The following KCND2 variants were observed in gnomAD, a reference collection of about 807,000 sequenced individuals.
The protein encoded by KCND2 is potassium voltage-gated channel subfamily D member 2.
In KCND2, 16 loss-of-function variants were observed where a neutral mutation model predicts 54.4. That is an observed-to-expected ratio of 0.29 (90% CI 0.20 to 0.45). The LOEUF is 0.45. Among genes scored for constraint, KCND2 ranks in the 20% least tolerant of loss-of-function variants. KCND2 has a pLI of 1.00. For missense variants in KCND2, 486 were observed against 824.2 expected, an observed-to-expected ratio of 0.59 and a Z score of 5.02; for synonymous variants, 317 against 310.7, an observed-to-expected ratio of 1.02 and a Z score of -0.21.
chr7:120,657,735 A>T (rs372422013), intron 1 of KCND2, among the ~76,000 whole-genome samples: 7 of 152,182 alleles, frequency 4.6e-5, no homozygotes, highest in African/African-American at 1.4e-4. Flanking sequence ...GTAATCCTAG[A>T]TACTCCGCAG....
chr7:120,333,430 C>T (rs190257411), intron 1 of KCND2, among the ~76,000 whole-genome samples: 2 of 152,076 alleles, frequency 1.3e-5, no homozygotes, highest in Admixed American at 1.3e-4. Context: ...CTATCAATTA[C>T]CAGAAGAAAT....
chr7:120,317,503 G>A (rs1026466272), intron 1 of KCND2, among the ~76,000 whole-genome samples: 1 of 151,856 alleles, frequency 6.6e-6, no homozygotes, highest in African/African-American at 2.4e-5. Context: ...TCTGTATTCA[G>A]TGTGAATTAT....
At position 120,508,374 on chromosome 7, in the gene KCND2, T is replaced by G. The variant is rs570735101; in HGVS notation, c.1116-224529T>G. Among the ~76,000 whole-genome samples, 18 of 152,030 alleles carry G rather than the reference T, an allele frequency of 1.2e-4. 1 individual carries two copies. The South Asian group carries it at 3.3e-3, about 28-fold the overall frequency. On this transcript the variant is annotated intron_variant, in intron 1 of 5. Coordinates refer to ENST00000331113, the MANE Select transcript of KCND2 (RefSeq NM_012281.3). Reference sequence around the variant, plus strand: ...GGTATATAACACTTTCTGAATCTTTTGTTATTTTTTGTAGCATCCCAGATG... The same window carrying G: ...GGTATATAACACTTTCTGAATCTTTGGTTATTTTTTGTAGCATCCCAGATG...
chr7:120,638,611 T>A (rs1051605142), intron 1 of KCND2, among the ~76,000 whole-genome samples: 7 of 152,098 alleles, frequency 4.6e-5, no homozygotes, highest in Admixed American at 3.9e-4. Flanking sequence ...TAAGGATATG[T>A]GTGATTTTCA....
chr7:120,601,838 C>G (rs1485677417), intron 1 of KCND2, among the ~76,000 whole-genome samples: 1 of 152,146 alleles, frequency 6.6e-6, no homozygotes, highest in Non-Finnish European at 1.5e-5. Context: ...CTACACTATC[C>G]CTTAGAATAT....
At position 120,747,734 on chromosome 7, in the gene KCND2, A is replaced by G. The variant is rs766118762; in HGVS notation, c.1769A>G (p.Gln590Arg). The G allele has an allele frequency of 2.5e-6, 4 of 1,612,870 alleles. No homozygotes were observed. Among genetic ancestry groups the G allele is most frequent in the Non-Finnish European group, 3.4e-6 (4 of 1,179,140 alleles). Residue 590 changes from glutamine (Q) to arginine (R), a missense_variant, in exon 6 of 6, where the codon CAA becomes CGA. Coordinates refer to ENST00000331113, the MANE Select transcript of KCND2 (RefSeq NM_012281.3). ...GAGTGTGTTAAACTAAACTGTGAAC[A>G]ACCTTATGTGACTACAGCAATAATA... ...MEECVKLNCE[Q>R]PYVTTAIISI... is the part of the protein sequence containing the mutation.
At chr7:120,713,320 G>A (rs182567227) in intron 1 of KCND2, among the ~76,000 whole-genome samples, 18 of 152,188 alleles carry the variant, frequency 1.2e-4, no homozygotes, top group Admixed American at 1.2e-3. Context: ...ATCACGAACT[G>A]GGAAGTAGGA....
chr7:120,380,536 A>G (rs1288704062), intron 1 of KCND2, among the ~76,000 whole-genome samples: 1 of 152,100 alleles, frequency 6.6e-6, no homozygotes, highest in African/African-American at 2.4e-5. Flanking sequence ...AGAGTCACAT[A>G]ATAGCTTTTT....
At chr7:120,356,575 A>G (rs1301021447) in intron 1 of KCND2, among the ~76,000 whole-genome samples, 1 of 152,156 alleles carries the variant, frequency 6.6e-6, no homozygotes, top group Non-Finnish European at 1.5e-5. Flanking sequence ...AAAGGGGCCC[A>G]GTCTGGCCCA....
At chr7:120,680,902 A>G (rs1257110905) in intron 1 of KCND2, among the ~76,000 whole-genome samples, 2 of 119,424 alleles carry the variant, frequency 1.7e-5, no homozygotes, top group East Asian at 2.7e-4. Flanking sequence ...ATACCCAAAT[A>G]CTAAATGAGA....
At chr7:120,745,562 T>C (rs930229775) in intron 4 of KCND2, among the ~76,000 whole-genome samples, 3 of 152,104 alleles carry the variant, frequency 2.0e-5, no homozygotes, top group Admixed American at 6.6e-5. Context: ...TAAATCAGCC[T>C]ACAGATGTCA....
chr7:120,641,997 T>G (rs1385230235), intron 1 of KCND2, among the ~76,000 whole-genome samples: 1 of 152,128 alleles, frequency 6.6e-6, no homozygotes, highest in African/African-American at 2.4e-5. Context: ...TTTTGATGCC[T>G]AGTTTAAGTT....
chr7:120,399,719 T>C (rs1269202497), intron 1 of KCND2, among the ~76,000 whole-genome samples: 1 of 151,468 alleles, frequency 6.6e-6, no homozygotes, highest in African/African-American at 2.4e-5. Context: ...TTTATTTATT[T>C]ATTTATTTAT....
Position 120,748,083 on chromosome 7 carries a change from CTT to C in KCND2, c.*227_*228del. The C allele has an allele frequency of 2.5e-6, 1 of 406,112 alleles. No individual in the cohort carries two copies. Among genetic ancestry groups the C allele is most frequent in the South Asian group, 4.0e-5 (1 of 24,710 alleles). 25.2% of individuals were successfully genotyped at this position (406,112 alleles called of 1,614,324 possible). A position where few individuals can be genotyped will look rare whatever the true frequency, so the allele number is the denominator to read the frequency against. On this transcript the variant is annotated 3_prime_UTR_variant, in exon 6 of 6. Coordinates refer to ENST00000331113, the MANE Select transcript of KCND2 (RefSeq NM_012281.3). Reference sequence around the variant, plus strand: ...AGAGTAATATTCTGTGGCCCTTTGACTTTGTGAATGAGCACAATGAAATGCCG... The same window carrying C: ...AGAGTAATATTCTGTGGCCCTTTGACTGTGAATGAGCACAATGAAATGCCG...
chr7:120,686,876 A>T (rs545237598), intron 1 of KCND2, among the ~76,000 whole-genome samples: 1 of 152,296 alleles, frequency 6.6e-6, no homozygotes, highest in African/African-American at 2.4e-5. Context: ...TCTTATCAGG[A>T]AACCGCTGAT....
intron 1 of KCND2, among the ~76,000 whole-genome samples, chr7:120,488,721 T>A (rs1230754720): frequency 6.6e-6 from 1 of 152,078 alleles, no homozygotes; most frequent in Admixed American, 6.6e-5. Flanking sequence ...TTAAAATACA[T>A]CCTTTCCTGA....
chr7:120,500,924 A>G (rs946696063), intron 1 of KCND2, among the ~76,000 whole-genome samples: 1 of 151,738 alleles, frequency 6.6e-6, no homozygotes, highest in Admixed American at 6.6e-5. Flanking sequence ...TTTCCATTCT[A>G]TTGTACTACA....
intron 1 of KCND2, among the ~76,000 whole-genome samples, chr7:120,597,099 G>A (rs111927089): frequency 0.016 from 2,431 of 152,216 alleles, 43 homozygotes; most frequent in Non-Finnish European, 0.022. Flanking sequence ...ACTGGAATAA[G>A]GGAGATCAGT....
chr7:120,727,127 A>G (rs1792743962), intron 1 of KCND2, among the ~76,000 whole-genome samples: 1 of 152,168 alleles, frequency 6.6e-6, no homozygotes. Context: ...ATTTATACCC[A>G]TCAAATAAAA....
Sources: allele counts gnomAD v4.1 joint callset (sites outside exome capture counted in the v4.1 genomes callset), GRCh38; gene constraint gnomAD v4.1.1; transcripts MANE v1.5; gene names NCBI Gene and HGNC (gene_info 2026-07-23, HGNC 2026-07-21).